The following ZNF609 variants were observed in gnomAD, a reference collection of about 807,000 sequenced individuals.
ZNF609 encodes the protein zinc finger protein 609.
A neutral mutation model predicts 109.5 loss-of-function variants in ZNF609; 11 were observed. The ratio of observed to expected loss-of-function variants is 0.10; its 90% CI spans 0.06 to 0.17. The LOEUF (loss-of-function observed/expected upper bound fraction) is 0.17, where lower values mean the gene tolerates loss of function less well. Ranked by LOEUF, ZNF609 falls within the 10% of genes least tolerant of loss-of-function variation. ZNF609 has a pLI of 1.00. For synonymous variants in ZNF609, 646 were observed against 662.0 expected, an observed-to-expected ratio of 0.98 and a Z score of 0.37; for missense variants, 1,559 against 1,772.4, an observed-to-expected ratio of 0.88 and a Z score of 2.16.
chr15:64,641,271 G>C (rs1337965550), intron 3 of ZNF609, among the ~76,000 whole-genome samples: 1 of 113,670 alleles, frequency 8.8e-6, no homozygotes, highest in Non-Finnish European at 1.6e-5. Flanking sequence ...AGGCTGGAGT[G>C]CAATGGCATG....
intron 2 of ZNF609, among the ~76,000 whole-genome samples, chr15:64,607,501 A>G (rs1895622498): frequency 7.1e-6 from 1 of 141,730 alleles, no homozygotes; most frequent in African/African-American, 2.6e-5. Context: ...CTTAAGGCAT[A>G]CTTTTTTTTT....
chr15:64,595,322 C>G (rs1362069268), intron 2 of ZNF609, among the ~76,000 whole-genome samples: 2 of 148,994 alleles, frequency 1.3e-5, no homozygotes, highest in Non-Finnish European at 1.5e-5. Context: ...GATCATGCCA[C>G]TGCACTCCAG....
intron 2 of ZNF609, among the ~76,000 whole-genome samples, chr15:64,530,401 A>G (rs1191455143): frequency 6.6e-6 from 1 of 152,248 alleles, no homozygotes; most frequent in African/African-American, 2.4e-5. Flanking sequence ...AACACTGATA[A>G]CTACTTTATA....
Position 64,685,737 on chromosome 15 carries a change from A to C in ZNF609, c.*4051A>C, listed in dbSNP as rs1006515672. The stretch of plus-strand genomic sequence containing the variant: ...GAATGACCGGAAAACTACCCCTAAA[A>C]CTCCCCCGACATTCCAGCCTCTAGA... On this transcript the variant is annotated 3_prime_UTR_variant, in exon 10 of 10. Coordinates refer to ENST00000326648, the MANE Select transcript of ZNF609 (RefSeq NM_015042.2). The C allele has an allele frequency of 4.0e-5, 6 of 151,782 alleles. No individual in the cohort carries two copies. Among genetic ancestry groups the C allele is most frequent in the African/African-American group, 1.5e-4 (6 of 41,136 alleles). The allele number at this position is 151,782 out of a possible 1,614,324, so 9.4% of individuals were successfully genotyped here.
chr15:64,496,840 G>A (rs563980044), intron 1 of ZNF609, among the ~76,000 whole-genome samples: 4 of 150,278 alleles, frequency 2.7e-5, no homozygotes, highest in African/African-American at 4.9e-5. Flanking sequence ...TTGAGACAGC[G>A]TCTCGCTCTG....
intron 2 of ZNF609, among the ~76,000 whole-genome samples, chr15:64,610,491 AAAC>A (rs1895699356): frequency 6.6e-6 from 1 of 152,062 alleles, no homozygotes; most frequent in Non-Finnish European, 1.5e-5. Flanking sequence ...TTAACAACAA[AAAC>A]AACAAATAGC....
intron 4 of ZNF609, 103 bp downstream of exon 4, chr15:64,670,536 A>G: frequency 1.0e-6 from 1 of 969,988 alleles, no homozygotes; most frequent in South Asian, 1.3e-5. Context: ...CTTTTAAAGG[A>G]CATGATGGTA....
At chr15:64,645,041 C>A (rs1415239179) in intron 3 of ZNF609, among the ~76,000 whole-genome samples, 1 of 144,428 alleles carries the variant, frequency 6.9e-6, no homozygotes, top group Non-Finnish European at 1.5e-5. Flanking sequence ...TTCTTCCTTC[C>A]TTTCTTTCTT....
At chr15:64,598,305 A>G (rs567932) in intron 2 of ZNF609, among the ~76,000 whole-genome samples, 134,366 of 151,972 alleles carry the variant, frequency 0.88, 60,243 homozygotes, top group East Asian at 0.96. Context: ...TGATAGAGAC[A>G]GGTTTTCACC....
chr15:64,577,019 CATAA>C (rs1476629372), intron 2 of ZNF609, among the ~76,000 whole-genome samples: 9 of 121,096 alleles, frequency 7.4e-5, no homozygotes, highest in South Asian at 2.4e-4. Context: ...TATGTATACA[CATAA>C]ATATATATAT....
At chr15:64,614,599 T>C (rs895574782) in intron 2 of ZNF609, among the ~76,000 whole-genome samples, 8 of 152,068 alleles carry the variant, frequency 5.3e-5, no homozygotes, top group African/African-American at 1.9e-4. Flanking sequence ...TTATTTGCCA[T>C]TCTTTTAAAT....
At chr15:64,556,365 T>C (rs1311301697) in intron 2 of ZNF609, among the ~76,000 whole-genome samples, 2 of 151,062 alleles carry the variant, frequency 1.3e-5, no homozygotes, top group African/African-American at 5.0e-5. Flanking sequence ...ACACCTGGTC[T>C]CAAGTGATCT....
At chr15:64,534,485 T>C (rs1457155813) in intron 2 of ZNF609, among the ~76,000 whole-genome samples, 1 of 151,950 alleles carries the variant, frequency 6.6e-6, no homozygotes, top group East Asian at 1.9e-4. Context: ...TGGCTACTTT[T>C]TGTATTTTTA....
At chr15:64,606,361 T>C (rs1272469529) in intron 2 of ZNF609, among the ~76,000 whole-genome samples, 1 of 150,992 alleles carries the variant, frequency 6.6e-6, no homozygotes, top group East Asian at 2.0e-4. Context: ...GAGTTCAAGA[T>C]CATTTTGGCC....
intron 2 of ZNF609, among the ~76,000 whole-genome samples, chr15:64,614,331 C>T (rs1046381581): frequency 5.9e-5 from 9 of 151,770 alleles, no homozygotes; most frequent in African/African-American, 2.2e-4. Context: ...CCCAGGTTCA[C>T]GCCATTGCCC....
intron 5 of ZNF609, 98 bp downstream of exon 5, chr15:64,676,354 G>A: frequency 1.8e-6 from 2 of 1,087,672 alleles, no homozygotes; most frequent in Non-Finnish European, 2.6e-6. Flanking sequence ...CAACGGAATT[G>A]AGATTAGCAG....
chr15:64,675,685 G>A lies in ZNF609; in HGVS notation c.2831G>A (p.Cys944Tyr). 6.2e-7 allele frequency: 1 copy of A among 1,613,974 alleles called. No homozygotes were observed. The highest frequency in any genetic ancestry group is 2.2e-5 in the East Asian group (1 of 44,878). Residue 944 changes from cysteine to tyrosine, a missense_variant, in exon 5 of 10, where the codon TGT becomes TAT. Cys to Tyr is a radical substitution (Grantham distance 194). Around this residue, in one of 4 missense-constraint regions of ZNF609, gnomAD observed 1,204 missense variants for 1,314.1 expected, o/e 0.92. Transcript: ENST00000326648. ...SIEGKVKNDI[C>Y]EEKKPELSSS... Reference sequence around the variant, plus strand: ...GAAGGGAAAGTGAAGAACGATATCTGTGAAGAAAAGAAGCCCGAGCTGAGC... The same window carrying A: ...GAAGGGAAAGTGAAGAACGATATCTATGAAGAAAAGAAGCCCGAGCTGAGC...
At chr15:64,545,326 G>A (rs1419941337) in intron 2 of ZNF609, among the ~76,000 whole-genome samples, 2 of 151,974 alleles carry the variant, frequency 1.3e-5, no homozygotes, top group Non-Finnish European at 2.9e-5. Flanking sequence ...ACCCTCCCGA[G>A]TAGCTGGAAC....
chr15:64,527,892 C>G (rs1266113470), intron 2 of ZNF609, among the ~76,000 whole-genome samples: 2 of 152,174 alleles, frequency 1.3e-5, no homozygotes, highest in Non-Finnish European at 2.9e-5. Context: ...TAACCTGGAC[C>G]AAACTCTACT....
Sources: gnomAD v4.1 joint callset for allele counts (sites outside exome capture counted in the v4.1 genomes callset) on GRCh38, gnomAD v4.1.1 for gene constraint, gnomAD v4.1.1 regional missense constraint, MANE v1.5 for transcripts, NCBI Gene and HGNC (gene_info 2026-07-23, HGNC 2026-07-21) for gene names.